STXBP5L: variants seen among roughly 807,000 people sequenced by gnomAD.
STXBP5L encodes syntaxin binding protein 5L.
STXBP5L carries 65 observed loss-of-function variants against 144.5 expected under a neutral mutation model. The observed-to-expected ratio is 0.45, with a 90% CI of 0.37 to 0.55. STXBP5L has a LOEUF of 0.55. Among genes scored for constraint, STXBP5L ranks in the 20% least tolerant of loss-of-function variants. STXBP5L has a pLI of 0.00. For missense variants in STXBP5L, 1,298 were observed against 1,405.5 expected, an observed-to-expected ratio of 0.92 and a Z score of 1.22; for synonymous variants, 505 against 469.6, an observed-to-expected ratio of 1.08 and a Z score of -0.97.
intron 12 of STXBP5L, among the ~76,000 whole-genome samples, chr3:121,237,503 A>T (rs1235134362): frequency 6.6e-6 from 1 of 152,126 alleles, no homozygotes; most frequent in African/African-American, 2.4e-5. Context: ...CCTTTTGTCC[A>T]TTGTCTTGAC....
chr3:121,194,443 G>GAGGATTGCTTGAACCC (rs1553733475), intron 9 of STXBP5L, among the ~76,000 whole-genome samples: 1 of 150,570 alleles, frequency 6.6e-6, no homozygotes, highest in Non-Finnish European at 1.5e-5. Context: ...GCCTAGGCAG[G>GAGGATTGCTTGAACCC]AGGATTGCTT....
intron 3 of STXBP5L, among the ~76,000 whole-genome samples, chr3:121,004,074 C>A (rs1023308690): frequency 4.6e-5 from 7 of 151,950 alleles, no homozygotes; most frequent in African/African-American, 1.7e-4. Flanking sequence ...TAGTTTTTTC[C>A]AATTCTGTGA....
chr3:121,197,352 G>C (rs1480450623), intron 9 of STXBP5L, among the ~76,000 whole-genome samples: 1 of 152,038 alleles, frequency 6.6e-6, no homozygotes, highest in African/African-American at 2.4e-5. Context: ...TTCACATTTA[G>C]TGTTATTGTT....
chr3:121,151,948 T>TA (rs1419959770), intron 7 of STXBP5L, among the ~76,000 whole-genome samples: 1 of 142,614 alleles, frequency 7.0e-6, no homozygotes, highest in East Asian at 1.9e-4. Context: ...TTTATTGATT[T>TA]AAAAATAAAT....
chr3:121,289,894 G>A (rs1200161793), intron 19 of STXBP5L, among the ~76,000 whole-genome samples: 1 of 152,026 alleles, frequency 6.6e-6, no homozygotes, highest in Admixed American at 6.6e-5. Context: ...CAAAACCTCT[G>A]GGATACAGCA....
chr3:121,385,683 A>C (rs1208117299), intron 22 of STXBP5L, among the ~76,000 whole-genome samples: 1 of 151,898 alleles, frequency 6.6e-6, no homozygotes, highest in Non-Finnish European at 1.5e-5. Context: ...GATCCCTTTT[A>C]CTCACTGCCT....
chr3:121,060,001 A>C (rs1462303274), intron 5 of STXBP5L, among the ~76,000 whole-genome samples: 3 of 152,166 alleles, frequency 2.0e-5, no homozygotes, highest in Non-Finnish European at 4.4e-5. Flanking sequence ...AGAACTTCCA[A>C]TACTATGTTG....
At chr3:121,182,214 T>C (rs575501491) in intron 9 of STXBP5L, among the ~76,000 whole-genome samples, 1 of 152,288 alleles carries the variant, frequency 6.6e-6, no homozygotes, top group South Asian at 2.1e-4. Context: ...AAGTGCAGAA[T>C]ATACATTCTT....
At chr3:121,276,537 T>A (rs2050891893) in intron 18 of STXBP5L, among the ~76,000 whole-genome samples, 1 of 152,016 alleles carries the variant, frequency 6.6e-6, no homozygotes, top group South Asian at 2.1e-4. Context: ...AACCCATTTA[T>A]GTGAGTGATG....
chr3:120,976,678 A>G (rs1941066521), intron 3 of STXBP5L, among the ~76,000 whole-genome samples: 1 of 152,136 alleles, frequency 6.6e-6, no homozygotes, highest in African/African-American at 2.4e-5. Context: ...TCTTGTGGGC[A>G]TTTAGTGCTA....
chr3:121,392,829 C>G lies in STXBP5L; in HGVS notation c.2587+11297C>G, dbSNP rs190920828. On this transcript the variant is annotated intron_variant, in intron 22 of 26. Coordinates refer to ENST00000471454, the MANE Select transcript of STXBP5L (RefSeq NM_001308330.2). The stretch of plus-strand genomic sequence containing the variant: ...TATATCACATTTTTAATCCAATTGC[C>G]CATTGATAGACACTTAGGTTTATCC... Among the ~76,000 whole-genome samples, 123 of 137,308 alleles carry G rather than the reference C, an allele frequency of 9.0e-4. 1 individual carries two copies. Among genetic ancestry groups the G allele is most frequent in the African/African-American group, 3.3e-3 (119 of 36,516 alleles). The allele number at this position is 137,308 out of a possible 152,430, so 90.1% of individuals were successfully genotyped here.
chr3:121,355,572 A>C (rs1014511695), intron 20 of STXBP5L, among the ~76,000 whole-genome samples: 6 of 152,044 alleles, frequency 3.9e-5, no homozygotes, highest in Non-Finnish European at 7.4e-5. Context: ...TGTTTATTCT[A>C]TTTAGCATTT....
intron 3 of STXBP5L, among the ~76,000 whole-genome samples, chr3:121,015,907 G>T (rs1290485454): frequency 6.6e-6 from 1 of 152,074 alleles, no homozygotes; most frequent in African/African-American, 2.4e-5. Context: ...TCAAGACTGA[G>T]ATTTAATCAT....
intron 5 of STXBP5L, among the ~76,000 whole-genome samples, chr3:121,056,607 C>G (rs1013153871): frequency 6.6e-6 from 1 of 152,038 alleles, no homozygotes; most frequent in Non-Finnish European, 1.5e-5. Context: ...TGATTCTTTT[C>G]AAAGTGTTGC....
intron 3 of STXBP5L, among the ~76,000 whole-genome samples, chr3:121,018,289 T>C (rs987501913): frequency 2.0e-5 from 3 of 152,022 alleles, no homozygotes; most frequent in Non-Finnish European, 4.4e-5. Context: ...AGGAGAGCAG[T>C]TGGGAGACTG....
intron 3 of STXBP5L, among the ~76,000 whole-genome samples, chr3:121,024,015 C>T (rs772138342): frequency 2.0e-5 from 3 of 152,048 alleles, no homozygotes; most frequent in Non-Finnish European, 2.9e-5. Context: ...GCCTTGGCCT[C>T]CCAAAGTGCT....
intron 3 of STXBP5L, among the ~76,000 whole-genome samples, chr3:120,956,945 T>C (rs901533011): frequency 1.3e-5 from 2 of 151,932 alleles, no homozygotes; most frequent in Non-Finnish European, 2.9e-5. Context: ...TTCTAAGAGT[T>C]TTATAGTTTT....
At chr3:121,177,573 C>T (rs1365574741) in intron 9 of STXBP5L, among the ~76,000 whole-genome samples, 1 of 152,136 alleles carries the variant, frequency 6.6e-6, no homozygotes, top group African/African-American at 2.4e-5. Flanking sequence ...TACCACCTCA[C>T]ATCCATTAGG....
intron 3 of STXBP5L, among the ~76,000 whole-genome samples, chr3:120,992,722 A>T (rs1361682114): frequency 6.6e-6 from 1 of 152,028 alleles, no homozygotes; most frequent in East Asian, 1.9e-4. Context: ...ACTTAGCTTG[A>T]TTCTATATCT....
Sources: gnomAD v4.1 joint callset for allele counts (sites outside exome capture counted in the v4.1 genomes callset) on GRCh38, gnomAD v4.1.1 for gene constraint, MANE v1.5 for transcripts, NCBI Gene and HGNC (gene_info 2026-07-23, HGNC 2026-07-21) for gene names.